Variants in ANO10 observed in about 807,000 individuals in gnomAD.
The protein encoded by ANO10 is anoctamin-10.
ANO10 carries 77 observed loss-of-function variants against 74.7 expected under a neutral mutation model. That is an observed-to-expected ratio of 1.03 (90% CI 0.86 to 1.25). The LOEUF (loss-of-function observed/expected upper bound fraction) is 1.25, where lower values mean the gene tolerates loss of function less well. Among genes scored for constraint, ANO10 ranks in the 50% most tolerant of loss-of-function variants. The pLI, the probability that ANO10 is intolerant of heterozygous loss-of-function variation, is 0.00. For missense variants in ANO10, 721 were observed against 778.1 expected, an observed-to-expected ratio of 0.93 and a Z score of 0.87; for synonymous variants, 279 against 284.9, an observed-to-expected ratio of 0.98 and a Z score of 0.21.
intron 12 of ANO10, among the ~76,000 whole-genome samples, chr3:43,431,189 C>T (rs1020517772): frequency 2.0e-5 from 3 of 151,798 alleles, no homozygotes; most frequent in Non-Finnish European, 4.4e-5. Context: ...TCTCCCAGCT[C>T]AGCCTCCCAA....
intron 11 of ANO10, chr3:43,484,930 T>C (rs2076410355): frequency 1.6e-5 from 13 of 798,824 alleles, no homozygotes; most frequent in Non-Finnish European, 2.6e-5. Flanking sequence ...ACCGGGGCGT[T>C]CCTGAGTTTA....
At chr3:43,631,647 C>A (rs910448297) in intron 1 of ANO10, among the ~76,000 whole-genome samples, 1 of 151,676 alleles carries the variant, frequency 6.6e-6, no homozygotes, top group Non-Finnish European at 1.5e-5. Flanking sequence ...ACTAGATAAC[C>A]TCTGGGTCCC....
upstream of ANO10, among the ~76,000 whole-genome samples, chr3:43,622,798 A>G (rs1026342669): frequency 1.3e-5 from 2 of 151,996 alleles, no homozygotes; most frequent in African/African-American, 4.8e-5. Context: ...ACCTGTTCTC[A>G]TCTGCTCCTC....
intron 11 of ANO10, among the ~76,000 whole-genome samples, chr3:43,535,267 CTTTTTTT>C (rs71616100): frequency 4.0e-4 from 43 of 107,876 alleles, no homozygotes; most frequent in African/African-American, 1.3e-3. Context: ...CCTAGACATT[CTTTTTTT>C]TTTTTTTTTT....
At chr3:43,674,655 C>CACCTGTGGGAAGGA (rs1454927698) in intron 1 of ANO10, among the ~76,000 whole-genome samples, 1 of 152,134 alleles carries the variant, frequency 6.6e-6, no homozygotes, top group Non-Finnish European at 1.5e-5. Flanking sequence ...TTCAGGAGTG[C>CACCTGTGGGAAGGA]TCTTGCAATC....
chr3:43,460,259 G>A (rs1156546879), intron 11 of ANO10, among the ~76,000 whole-genome samples: 3 of 152,170 alleles, frequency 2.0e-5, no homozygotes, highest in Non-Finnish European at 2.9e-5. Context: ...GCAAAGCCTT[G>A]GAAAGGCTTT....
At chr3:43,661,229 G>A (rs2083923310) in intron 1 of ANO10, among the ~76,000 whole-genome samples, 1 of 152,228 alleles carries the variant, frequency 6.6e-6, no homozygotes, top group Non-Finnish European at 1.5e-5. Context: ...CTACAAGCCA[G>A]AAGAGAGTGG....
chr3:43,680,123 T>C (rs1330066440), intron 1 of ANO10, among the ~76,000 whole-genome samples: 2 of 151,932 alleles, frequency 1.3e-5, no homozygotes, highest in African/African-American at 4.8e-5. Flanking sequence ...AGACTTCAGA[T>C]GATCAAACTA....
At chr3:43,691,007 G>A (rs2084363899) in intron 1 of ANO10, 4 of 1,570,268 alleles carry the variant, frequency 2.5e-6, no homozygotes, top group African/African-American at 2.8e-5. Flanking sequence ...CGGCGGAGGA[G>A]GAGGAGGTGG....
intron 11 of ANO10, among the ~76,000 whole-genome samples, chr3:43,531,636 G>A (rs942970787): frequency 1.3e-5 from 2 of 152,168 alleles, no homozygotes; most frequent in African/African-American, 4.8e-5. Context: ...GCTCACACCT[G>A]TAATCTCAGC....
chr3:43,650,009 G>A (rs9877066), intron 1 of ANO10, among the ~76,000 whole-genome samples: 7,411 of 152,268 alleles, frequency 0.049, 209 homozygotes, highest in Non-Finnish European at 0.059. Flanking sequence ...CATGTACGGC[G>A]TAAGTGTTAA....
intron 9 of ANO10, among the ~76,000 whole-genome samples, chr3:43,556,138 T>C (rs1172482535): frequency 6.6e-6 from 1 of 152,234 alleles, no homozygotes; most frequent in Non-Finnish European, 1.5e-5. Context: ...TTCTTAAATA[T>C]ACCCAGTGAC....
intron 11 of ANO10, among the ~76,000 whole-genome samples, chr3:43,476,928 A>G (rs978816812): frequency 1.3e-5 from 2 of 152,248 alleles, no homozygotes; most frequent in Admixed American, 6.5e-5. Flanking sequence ...TATTCAATGC[A>G]GGCAGATCTC....
At chr3:43,459,294 T>C (rs2075278362) in intron 11 of ANO10, among the ~76,000 whole-genome samples, 1 of 152,122 alleles carries the variant, frequency 6.6e-6, no homozygotes, top group African/African-American at 2.4e-5. Context: ...AAAGGACCAG[T>C]CAGTGCTCAG....
intron 4 of ANO10, among the ~76,000 whole-genome samples, chr3:43,590,358 C>T (rs1203759122): frequency 2.6e-5 from 4 of 152,062 alleles, no homozygotes; most frequent in Non-Finnish European, 1.5e-5. Flanking sequence ...TTTGAAAAAG[C>T]TCTGTCAAAA....
At chr3:43,567,539 A>T (rs2080434294) in intron 7 of ANO10, among the ~76,000 whole-genome samples, 1 of 152,132 alleles carries the variant, frequency 6.6e-6, no homozygotes, top group Non-Finnish European at 1.5e-5. Flanking sequence ...CAACATTCTT[A>T]AAGAAAAGAA....
intron 4 of ANO10, among the ~76,000 whole-genome samples, chr3:43,596,089 A>T (rs2082070313): frequency 6.6e-6 from 1 of 152,178 alleles, no homozygotes; most frequent in South Asian, 2.1e-4. Flanking sequence ...AGAATTACAA[A>T]CCACTGCTCA....
intron 6 of ANO10, among the ~76,000 whole-genome samples, chr3:43,576,457 G>A (rs1004960906): frequency 1.8e-4 from 27 of 152,272 alleles, no homozygotes; most frequent in African/African-American, 5.1e-4. Context: ...TGTGAATAAA[G>A]TGCTTAGCAG....
intron 6 of ANO10, among the ~76,000 whole-genome samples, chr3:43,575,511 C>T (rs957532311): frequency 1.3e-5 from 2 of 152,204 alleles, no homozygotes; most frequent in African/African-American, 4.8e-5. Context: ...ACAAGGCTGA[C>T]CATCTTCCTC....
Sources: allele counts gnomAD v4.1 joint callset (sites outside exome capture counted in the v4.1 genomes callset), GRCh38; gene constraint gnomAD v4.1.1; transcripts MANE v1.5; gene names NCBI Gene and HGNC (gene_info 2026-07-23, HGNC 2026-07-21).